Variants in KIAA1217 observed in about 807,000 individuals in gnomAD.
KIAA1217 encodes KIAA1217.
A neutral mutation model predicts 163.9 loss-of-function variants in KIAA1217; 88 were observed. The observed-to-expected ratio is 0.54, with a 90% confidence interval of 0.45 to 0.64. The LOEUF (loss-of-function observed/expected upper bound fraction) is 0.64. KIAA1217 is among the 30% of genes least tolerant of loss of function. The pLI is 0.00. For missense variants in KIAA1217, 2,372 were observed against 2,475.0 expected, an observed-to-expected ratio of 0.96 and a Z score of 0.88; for synonymous variants, 903 against 923.1, an observed-to-expected ratio of 0.98 and a Z score of 0.39.
intron 1 of KIAA1217, among the ~76,000 whole-genome samples, chr10:23,840,485 G>A (rs1838718613): frequency 6.6e-6 from 1 of 152,080 alleles, no homozygotes; most frequent in African/African-American, 2.4e-5. Context: ...GTTATTGTGA[G>A]TATTTCAATG....
Position 24,520,218 on chromosome 10 carries a change from T to G in KIAA1217, c.2273T>G (p.Leu758Arg). Residue 758 changes from leucine to arginine, a missense_variant, in exon 11 of 21, where the codon CTG (leucine) becomes CGG (arginine). Coordinates refer to ENST00000376454, the MANE Select transcript of KIAA1217 (RefSeq NM_019590.5). ...GACGTGGAAGACGGGGCTTTCCTCC[T>G]GCGTCAAGTGGGAGAGGCTGTAGCT... ...LKDVEDGAFLLRQVGEAVATL... is the reference protein window; with the variant it reads ...LKDVEDGAFLRRQVGEAVATL... 2 of 1,614,180 alleles carry G rather than the reference T, an allele frequency of 1.2e-6. No individual in the cohort carries two copies. Among genetic ancestry groups the G allele is most frequent in the Non-Finnish European group, 1.7e-6 (2 of 1,180,020 alleles).
intron 2 of KIAA1217, among the ~76,000 whole-genome samples, chr10:24,066,250 C>T (rs1262128939): frequency 2.0e-5 from 3 of 152,102 alleles, no homozygotes; most frequent in Non-Finnish European, 2.9e-5. Flanking sequence ...ACGGTCTTTA[C>T]AATTTGGCCT....
chr10:24,494,890 A>C (rs2066589951), intron 7 of KIAA1217: 1 of 577,914 alleles, frequency 1.7e-6, no homozygotes, highest in Admixed American at 3.3e-5. Flanking sequence ...CAGTGCCTGC[A>C]ACCACCACCC....
intron 2 of KIAA1217, among the ~76,000 whole-genome samples, chr10:24,309,333 C>A (rs997154674): frequency 2.2e-5 from 2 of 89,592 alleles, no homozygotes; most frequent in Admixed American, 9.5e-5. Flanking sequence ...GACAAATAGG[C>A]GCGCGCACGC....
intron 2 of KIAA1217, among the ~76,000 whole-genome samples, chr10:24,178,684 G>A (rs2066022977): frequency 6.6e-6 from 1 of 152,202 alleles, no homozygotes; most frequent in Non-Finnish European, 1.5e-5. Context: ...TTAGATTTCA[G>A]TTGTTCCATT....
In KIAA1217 at chr10:23,791,549, G is replaced by A. The variant is rs116555713; in HGVS notation, c.-321+96315G>A. On this transcript the variant is annotated intron_variant, in intron 1 of 18. Transcript: ENST00000376462. ...ATTCCTTAACATCATCAAATATCCA[G>A]TCAGTTCTCTAATTTCTGCAATTAT... is the stretch of plus-strand genomic sequence containing the variant. Among the ~76,000 whole-genome samples, 1,044 of 152,206 alleles carry A rather than the reference G, an allele frequency of 6.9e-3. 6 individuals carry two copies. Among genetic ancestry groups the A allele is most frequent in the African/African-American group, 0.023 (965 of 41,528 alleles).
intron 2 of KIAA1217, among the ~76,000 whole-genome samples, chr10:24,058,910 TTA>T (rs1227600688): frequency 0.019 from 2,842 of 152,276 alleles, 87 homozygotes; most frequent in African/African-American, 0.065. Flanking sequence ...AGAACTTCCA[TTA>T]CTTTATTGAA....
Position 24,546,228 on chromosome 10 carries a change from C to T in KIAA1217, c.5736C>T (p.Gly1912=), listed in dbSNP as rs2075711482. Residue 1912 remains glycine (G), a synonymous_variant, in exon 21 of 21, where the codon GGC becomes GGT. Coordinates refer to ENST00000376454, the MANE Select transcript of KIAA1217 (RefSeq NM_019590.5). The stretch of plus-strand genomic sequence containing the variant: ...TCTCACTGAATCAAGGTGCCAAGGG[C>T]ACCAGGACCATCCATACTCCCAGCC... ...SSVSLNQGAK[G]TRTIHTPSLT... 6.2e-7 allele frequency: 1 copy of T among 1,614,068 alleles called. No homozygotes were observed. Among genetic ancestry groups the T allele is most frequent in the Non-Finnish European group, 8.5e-7 (1 of 1,180,036 alleles).
intron 2 of KIAA1217, among the ~76,000 whole-genome samples, chr10:24,313,477 A>G (rs1464562222): frequency 6.6e-6 from 1 of 152,150 alleles, no homozygotes; most frequent in Non-Finnish European, 1.5e-5. Flanking sequence ...TTAAGAGCAA[A>G]GGGATGTGAC....
intron 2 of KIAA1217, chr10:24,157,692 A>G: frequency 4.8e-6 from 1 of 207,486 alleles, no homozygotes; most frequent in Non-Finnish European, 9.4e-6. Flanking sequence ...TTGTTTAGTA[A>G]GGGAATGCAA....
intron 1 of KIAA1217, among the ~76,000 whole-genome samples, chr10:24,209,660 TTG>T (rs2067818929): frequency 6.6e-6 from 1 of 152,184 alleles, no homozygotes; most frequent in South Asian, 2.1e-4. Context: ...CATTCATTGG[TTG>T]GGGGATTCCA....
intron 2 of KIAA1217, among the ~76,000 whole-genome samples, chr10:24,045,062 CA>C (rs1181260147): frequency 2.6e-5 from 4 of 152,036 alleles, no homozygotes; most frequent in African/African-American, 9.6e-5. Context: ...TTTGCATGTC[CA>C]AAAAACATCT....
At chr10:24,413,030 A>T (rs762939211) in intron 3 of KIAA1217, among the ~76,000 whole-genome samples, 3 of 152,178 alleles carry the variant, frequency 2.0e-5, no homozygotes, top group Non-Finnish European at 4.4e-5. Context: ...TAATCTGATG[A>T]GAAATCTCAT....
chr10:24,192,205 A>T (rs1404099134), intron 2 of KIAA1217, among the ~76,000 whole-genome samples: 1 of 152,184 alleles, frequency 6.6e-6, no homozygotes, highest in Admixed American at 6.5e-5. Flanking sequence ...ATTAGAAGAT[A>T]AAAGGAAGTG....
intron 1 of KIAA1217, among the ~76,000 whole-genome samples, chr10:23,794,889 G>A (rs1442071797): frequency 2.0e-5 from 3 of 152,240 alleles, no homozygotes; most frequent in African/African-American, 7.2e-5. Flanking sequence ...TTGCAACAGA[G>A]ATGTCAGGTG....
At chr10:24,100,770 T>C (rs990788455) in intron 2 of KIAA1217, among the ~76,000 whole-genome samples, 1 of 152,246 alleles carries the variant, frequency 6.6e-6, no homozygotes, top group Non-Finnish European at 1.5e-5. Flanking sequence ...ATTTAGATCT[T>C]AATTATCTTA....
intron 1 of KIAA1217, among the ~76,000 whole-genome samples, chr10:23,893,679 G>T (rs191547438): frequency 1.3e-5 from 2 of 151,658 alleles, no homozygotes; most frequent in South Asian, 2.1e-4. Flanking sequence ...AGGCAGAGAC[G>T]CAACCAAAAA....
At chr10:23,810,577 A>G (rs1274353038) in intron 1 of KIAA1217, among the ~76,000 whole-genome samples, 2 of 128,198 alleles carry the variant, frequency 1.6e-5, no homozygotes, top group South Asian at 2.4e-4. Context: ...TATAATCTAT[A>G]TATAATATAT....
intron 16 of KIAA1217, 151 bp from the exon 17 acceptor site, chr10:24,536,623 G>C: frequency 1.5e-6 from 1 of 661,242 alleles, no homozygotes. Context: ...AGCACGTGAG[G>C]AGCAGGATTT....
Sources: gnomAD v4.1 joint callset for allele counts (sites outside exome capture counted in the v4.1 genomes callset) on GRCh38, gnomAD v4.1.1 for gene constraint, MANE v1.5 for transcripts, NCBI Gene and HGNC (gene_info 2026-07-23, HGNC 2026-07-21) for gene names.